The following ECD variants were observed in gnomAD, a reference collection of about 807,000 sequenced individuals.
ECD encodes ecdysoneless cell cycle regulator.
ECD carries 59 observed loss-of-function variants against 77.2 expected under a neutral mutation model. That is an observed-to-expected ratio of 0.76 (90% CI 0.62 to 0.95). The LOEUF (loss-of-function observed/expected upper bound fraction) is 0.95. Among genes scored for constraint, ECD ranks in the 40% least tolerant of loss-of-function variants. The probability of loss-of-function intolerance (pLI) is 0.00; values close to 1 mark genes in which losing one functional copy is unlikely to be tolerated. For missense variants in ECD, 704 were observed against 763.4 expected, an observed-to-expected ratio of 0.92 and a Z score of 0.92; for synonymous variants, 233 against 267.4, an observed-to-expected ratio of 0.87 and a Z score of 1.26.
At chr10:73,158,255 C>G (rs918033887) in intron 3 of ECD, among the ~76,000 whole-genome samples, 2 of 152,052 alleles carry the variant, frequency 1.3e-5, no homozygotes, top group African/African-American at 4.8e-5. Context: ...GCCACCGCCC[C>G]AGGCCTACAA....
rs773708177 is a variant in ECD, at chr10:73,139,424, A to G, written c.1306T>C (p.Ser436Pro). 1.1e-4 allele frequency: 183 copies of G among 1,614,038 alleles called. No individual in the cohort carries two copies. The highest frequency in any genetic ancestry group is 1.2e-4 in the Non-Finnish European group (139 of 1,180,052). The change falls in exon 11 of 14, where the codon TCC (serine) becomes CCC (proline). Residue 436 changes from serine to proline, a missense_variant. Ser to Pro is a moderately conservative substitution (Grantham distance 74, BLOSUM62 -1). This residue lies in a region of ECD where 559 missense variants were observed against 583.7 expected (regional missense o/e 0.96). Transcript: ENST00000372979. ...LLQEAVGKKE[S>P]ESVSKEEKEQ... ...TTCTCCTCCTTGGAAACAGACTCGG[A>G]TTCTTTTTTGCCAACAGCTTCCTGC...
intron 6 of ECD, among the ~76,000 whole-genome samples, chr10:73,152,958 TA>T (rs1564664628): frequency 6.6e-6 from 1 of 152,034 alleles, no homozygotes; most frequent in Non-Finnish European, 1.5e-5. Context: ...TAATCGCTAG[TA>T]AAATTCTTAT....
Position 73,165,809 on chromosome 10 carries a change from T to A in ECD, c.-13-1859A>T, listed in dbSNP as rs533845768. Among the ~76,000 whole-genome samples the A allele has an allele frequency of 5.9e-3, 881 of 149,194 alleles. 8 individuals are homozygous for A. The highest frequency in any genetic ancestry group is 0.021 in the African/African-American group (830 of 39,712). ...CTTTTAGTTATTTTTATTAAAAAAA[T>A]TTTTATAGCCAGGACATGCTCTCAT... On this transcript the variant is annotated intron_variant, in intron 1 of 13. Coordinates refer to ENST00000372979, the MANE Select transcript of ECD (RefSeq NM_007265.3).
chr10:73,151,633 G>C (rs1843208964), intron 7 of ECD, among the ~76,000 whole-genome samples: 1 of 151,390 alleles, frequency 6.6e-6, no homozygotes, highest in Non-Finnish European at 1.5e-5. Flanking sequence ...GCTTTAAAGT[G>C]CATTTCTTTT....
At position 73,154,266 on chromosome 10, in the gene ECD, A is replaced by C. The variant is rs2133265247; in HGVS notation, c.773T>G (p.Ile258Arg). 1 of 1,602,664 alleles carries C rather than the reference A, an allele frequency of 6.2e-7. No homozygotes were observed. Among genetic ancestry groups the C allele is most frequent in the South Asian group, 1.1e-5 (1 of 89,048 alleles). Residue 258 changes from isoleucine to arginine, a missense_variant, in exon 6 of 14, where the codon ATA becomes AGA. Ile to Arg is a moderately conservative substitution (Grantham distance 97). Transcript: ENST00000372979. ...AGATAGAAATCTCACCGATGTCATT[A>C]TTCGTGTTTCAGGCAAGAATGTCTT... ...VFKTFLPETR[I>R]MTSVTFTKCL... is the part of the protein sequence containing the mutation.
At chr10:73,153,280 G>A (rs565742768) in intron 6 of ECD, among the ~76,000 whole-genome samples, 84 of 152,044 alleles carry the variant, frequency 5.5e-4, no homozygotes, top group African/African-American at 1.9e-3. Context: ...TTTTTGTAGC[G>A]ATGGGGTTCA....
chr10:73,153,178 A>T (rs1843238051), intron 6 of ECD, among the ~76,000 whole-genome samples: 1 of 151,764 alleles, frequency 6.6e-6, no homozygotes, highest in Non-Finnish European at 1.5e-5. Flanking sequence ...TTGGCCTCCC[A>T]AACCTCCTGG....
At chr10:73,167,231 T>C (rs1843490644) in intron 1 of ECD, among the ~76,000 whole-genome samples, 1 of 152,240 alleles carries the variant, frequency 6.6e-6, no homozygotes, top group Non-Finnish European at 1.5e-5. Context: ...TCGGGTAATG[T>C]GATGCTTCCA....
rs891047111 is a variant in ECD at position 73,148,419 on chromosome 10, T to C, written c.913-15A>G. 4.4e-6 allele frequency: 7 copies of C among 1,603,534 alleles called. No individual in the cohort carries two copies. The highest frequency in any genetic ancestry group is 2.7e-5 in the African/African-American group (2 of 74,372). Reference sequence around the variant, plus strand: ...AATCCATGAGCCTAGATGAGATAGGTAGAATTTTTGTTACTAAGTTCCTTT... The same window carrying C: ...AATCCATGAGCCTAGATGAGATAGGCAGAATTTTTGTTACTAAGTTCCTTT... On this transcript the variant is annotated splice_polypyrimidine_tract_variant and intron_variant, in intron 7 of 13. Coordinates refer to ENST00000372979, the MANE Select transcript of ECD (RefSeq NM_007265.3).
intron 12 of ECD, 70 bp downstream of exon 12, chr10:73,137,933 A>C (rs12260168): frequency 0.089 from 108,558 of 1,221,016 alleles, 8,416 homozygotes; most frequent in African/African-American, 0.33. Flanking sequence ...TATCTCATAA[A>C]CCAATGCTCT....
chr10:73,166,625 C>G (rs1843470910), intron 1 of ECD, among the ~76,000 whole-genome samples: 1 of 152,194 alleles, frequency 6.6e-6, no homozygotes, highest in Non-Finnish European at 1.5e-5. Flanking sequence ...TGAGAAATGT[C>G]TATTCAGAGT....
intron 6 of ECD, among the ~76,000 whole-genome samples, chr10:73,153,465 G>A (rs556152657): frequency 6.6e-5 from 10 of 151,492 alleles, no homozygotes; most frequent in East Asian, 2.0e-4. Flanking sequence ...GGCTGGGTGC[G>A]GTGGCTCACA....
Position 73,156,463 on chromosome 10 carries a change from G to T in ECD, c.412-10C>A. ...CATGGCAGAAAAATACCTGCAAACG[G>T]TACATTTCAATTTTCACAGTGGGCA... On this transcript the variant is annotated splice_polypyrimidine_tract_variant and intron_variant, in intron 4 of 13. Coordinates refer to ENST00000372979, the MANE Select transcript of ECD (RefSeq NM_007265.3). The T allele has an allele frequency of 2.5e-6, 4 of 1,608,776 alleles. No homozygotes were observed. Among genetic ancestry groups the T allele is most frequent in the Non-Finnish European group, 3.4e-6 (4 of 1,177,286 alleles).
intron 1 of ECD, among the ~76,000 whole-genome samples, chr10:73,166,925 T>C (rs1232184643): frequency 1.3e-5 from 2 of 152,200 alleles, no homozygotes; most frequent in Admixed American, 6.5e-5. Flanking sequence ...ATATTTCCTT[T>C]TAGTAGTTTC....
chr10:73,139,233 A>AT, intron 11 of ECD, 76 bp downstream of exon 11: 3 of 1,360,704 alleles, frequency 2.2e-6, no homozygotes, highest in Non-Finnish European at 1.9e-6. Context: ...AAAAAAAAAA[A>AT]GTGGAAATGG....
Position 73,133,807 on chromosome 10 carries a change from A to G in ECD, c.*776T>C, listed in dbSNP as rs1842948682. The G allele has an allele frequency of 6.6e-6, 1 of 152,214 alleles. No individual in the cohort carries two copies. Among genetic ancestry groups the G allele is most frequent in the African/African-American group, 2.4e-5 (1 of 41,458 alleles). The allele number at this position is 152,214 out of a possible 1,614,324, so 9.4% of individuals were successfully genotyped here. A position where few individuals can be genotyped will look rare whatever the true frequency, so the allele number is the denominator to read the frequency against. On this transcript the variant is annotated 3_prime_UTR_variant, in exon 14 of 14. Transcript: ENST00000372979. Reference sequence around the variant, plus strand: ...ATCAGTTATATTAAATATCAAACCAATTAATTAATTAAAACAATTAAGTAC... The same window carrying G: ...ATCAGTTATATTAAATATCAAACCAGTTAATTAATTAAAACAATTAAGTAC...
intron 7 of ECD, among the ~76,000 whole-genome samples, chr10:73,149,607 C>G (rs1843176468): frequency 6.6e-6 from 1 of 152,208 alleles, no homozygotes; most frequent in East Asian, 1.9e-4. Flanking sequence ...CAACTGTATG[C>G]TAATGTAAGT....
At chr10:73,141,134 A>T (rs1843050756) in intron 9 of ECD, among the ~76,000 whole-genome samples, 1 of 151,996 alleles carries the variant, frequency 6.6e-6, no homozygotes, top group African/African-American at 2.4e-5. Context: ...ACTTTTGCAA[A>T]GTCTGTATTA....
chr10:73,146,353 T>C lies in ECD; in HGVS notation c.1050A>G (p.Ile350Met). 6.3e-7 allele frequency: 1 copy of C among 1,596,032 alleles called. No homozygotes were observed. Among genetic ancestry groups the C allele is most frequent in the Non-Finnish European group, 8.5e-7 (1 of 1,170,944 alleles). The change falls in exon 9 of 14, where the codon ATA becomes ATG. Residue 350 changes from isoleucine (I) to methionine (M), a missense_variant. Ile to Met is a conservative substitution (Grantham distance 10). Coordinates refer to ENST00000372979, the MANE Select transcript of ECD (RefSeq NM_007265.3). ...LKKNDYFKGL[I>M]EGSAQYRERL... ...TTTCCCGGTACTGAGCAGAACCTTC[T>C]ATCAGTCCCTTAAAAAAAAAAAAAG... is the stretch of plus-strand genomic sequence containing the variant.
Sources: allele counts gnomAD v4.1 joint callset (sites outside exome capture counted in the v4.1 genomes callset), GRCh38; gene constraint gnomAD v4.1.1; regional missense constraint gnomAD v4.1.1; transcripts MANE v1.5; gene names NCBI Gene and HGNC (gene_info 2026-07-23, HGNC 2026-07-21).